SMC2: variants seen among roughly 807,000 people sequenced by gnomAD.
The protein encoded by SMC2 is structural maintenance of chromosomes 2, also known as structural maintenance of chromosomes protein 2.
In SMC2, 41 loss-of-function variants were observed where a neutral mutation model predicts 142.6. The observed-to-expected ratio is 0.29, with a 90% CI of 0.22 to 0.37. The LOEUF is 0.37. SMC2 is among the 10% of genes least tolerant of loss of function. SMC2 has a pLI of 1.00. For synonymous variants in SMC2, 463 were observed against 457.5 expected (o/e 1.01, Z -0.15); for missense variants, 1,265 against 1,373.7 (o/e 0.92, Z 1.25).
At chr9:104,103,960 G>A (rs1831463896) in intron 9 of SMC2, among the ~76,000 whole-genome samples, 1 of 151,874 alleles carries the variant, frequency 6.6e-6, no homozygotes, top group Non-Finnish European at 1.5e-5. Flanking sequence ...TAAACATGTG[G>A]ACCTGCCTTG....
chr9:104,123,005 T>A, intron 16 of SMC2, 103 bp from the exon 17 acceptor site: 1 of 1,198,072 alleles, frequency 8.3e-7, no homozygotes, highest in Non-Finnish European at 1.2e-6. Context: ...ATATTGTTTA[T>A]AACGTATGTG....
At chr9:104,114,648 C>CTT (rs1832879545) in intron 12 of SMC2, 43 bp from the exon 13 acceptor site, 3 of 1,540,484 alleles carry the variant, frequency 1.9e-6, no homozygotes. Context: ...ACTTTTTCTA[C>CTT]TTTATTATCT....
chr9:104,109,227 C>G (rs1403220285), intron 9 of SMC2, among the ~76,000 whole-genome samples: 1 of 152,164 alleles, frequency 6.6e-6, no homozygotes, highest in Admixed American at 6.5e-5. Flanking sequence ...CTCAACTACC[C>G]AAACCCACCT....
At chr9:104,110,746 C>T (rs965394650) in intron 9 of SMC2, among the ~76,000 whole-genome samples, 1 of 152,186 alleles carries the variant, frequency 6.6e-6, no homozygotes, top group Admixed American at 6.5e-5. Context: ...AAGTATACTG[C>T]CCCACAAGTA....
intron 10 of SMC2, among the ~76,000 whole-genome samples, chr9:104,112,645 A>C (rs1230496689): frequency 6.6e-6 from 1 of 152,174 alleles, no homozygotes; most frequent in African/African-American, 2.4e-5. Flanking sequence ...CAGTTTGTCT[A>C]TTATTTTATA....
intron 9 of SMC2, among the ~76,000 whole-genome samples, chr9:104,106,726 T>C (rs1831834728): frequency 6.6e-6 from 1 of 152,202 alleles, no homozygotes; most frequent in Non-Finnish European, 1.5e-5. Flanking sequence ...TTCGAGTCAC[T>C]AAGTTGCCCT....
chr9:104,113,151 A>G (rs1832682983), intron 10 of SMC2, among the ~76,000 whole-genome samples, 165 bp from the exon 11 acceptor site: 3 of 152,080 alleles, frequency 2.0e-5, no homozygotes, highest in Admixed American at 6.6e-5. Flanking sequence ...TGAGGAGAAA[A>G]TACTGGGAAA....
chr9:104,137,528 TATA>T (rs1835678147), intron 23 of SMC2, among the ~76,000 whole-genome samples: 1 of 152,062 alleles, frequency 6.6e-6, no homozygotes. Context: ...TACCAAAAAA[TATA>T]TAGATTGTGT....
rs368963452 is a variant in SMC2 at position 104,098,481 on chromosome 9, T to C, written c.354T>C (p.Asn118=). 2 of 1,595,362 alleles carry C rather than the reference T, an allele frequency of 1.3e-6. No individual in the cohort carries two copies. The highest frequency in any genetic ancestry group is 2.7e-5 in the African/African-American group (2 of 73,850). Residue 118 remains asparagine (N), a synonymous_variant, in exon 4 of 25, where the codon AAT becomes AAC. Transcript: ENST00000374793. ...GTGGTAGAAATAAATATTTAATCAA[T>C]GGAGTCAATGCCAACAACACCAGAG... is the stretch of plus-strand genomic sequence containing the variant. The part of the protein sequence containing the change: ...VIGGRNKYLI[N]GVNANNTRVQ...
intron 20 of SMC2, among the ~76,000 whole-genome samples, chr9:104,128,080 C>G (rs1377880740): frequency 6.6e-6 from 1 of 152,184 alleles, no homozygotes; most frequent in Non-Finnish European, 1.5e-5. Flanking sequence ...GGTTAAGAAG[C>G]TGCATTCACA....
chr9:104,094,070 G>A (rs573549926), upstream of SMC2, among the ~76,000 whole-genome samples: 1 of 152,172 alleles, frequency 6.6e-6, no homozygotes, highest in Admixed American at 6.5e-5. Flanking sequence ...GGGCCGAGGT[G>A]TGGGGCTGAC....
chr9:104,129,526 T>TCAA, intron 20 of SMC2, 119 bp from the exon 21 acceptor site: 1 of 811,994 alleles, frequency 1.2e-6, no homozygotes, highest in African/African-American at 1.8e-5. Context: ...AAATTAGTCA[T>TCAA]TGAAGGTTTT....
chr9:104,103,621 C>T (rs1437063661), intron 9 of SMC2, among the ~76,000 whole-genome samples: 1 of 152,130 alleles, frequency 6.6e-6, no homozygotes, highest in African/African-American at 2.4e-5. Context: ...ACAGAAGAGT[C>T]AAGTATATAG....
At chr9:104,137,201 G>A (rs974143661) in intron 23 of SMC2, among the ~76,000 whole-genome samples, 1 of 152,102 alleles carries the variant, frequency 6.6e-6, no homozygotes, top group Admixed American at 6.6e-5. Context: ...CTGTATGCCA[G>A]GATGTACTTG....
chr9:104,123,049 G>A (rs1833902284), intron 16 of SMC2, 59 bp from the exon 17 acceptor site: 7 of 1,542,676 alleles, frequency 4.5e-6, no homozygotes, highest in Admixed American at 1.9e-5. Flanking sequence ...AAGTTTGAAT[G>A]TATTTCTCAA....
chr9:104,102,344 T>G, intron 8 of SMC2, 80 bp from the exon 9 acceptor site: 1 of 1,337,048 alleles, frequency 7.5e-7, no homozygotes, highest in Non-Finnish European at 1.0e-6. Context: ...AAAAAAGTGT[T>G]TGATACAGAA....
At chr9:104,103,113 G>A (rs1831348623) in intron 9 of SMC2, among the ~76,000 whole-genome samples, 1 of 152,010 alleles carries the variant, frequency 6.6e-6, no homozygotes, top group Non-Finnish European at 1.5e-5. Context: ...AATGATCAAG[G>A]CTGTAAGTTC....
intron 7 of SMC2, 118 bp downstream of exon 7, chr9:104,100,551 AG>A (rs1830997526): frequency 1.5e-6 from 1 of 653,518 alleles, no homozygotes; most frequent in African/African-American, 1.9e-5. Flanking sequence ...CGATGAGATA[AG>A]GAATTAGAGT....
In SMC2 at chr9:104,139,852, A is replaced by G. The variant is rs1198241191; in HGVS notation, c.*537A>G. The G allele has an allele frequency of 6.6e-6, 1 of 152,244 alleles. No individual in the cohort carries two copies. Among genetic ancestry groups the G allele is most frequent in the Non-Finnish European group, 1.5e-5 (1 of 68,096 alleles). 9.4% of individuals were successfully genotyped at this position (152,244 alleles called of 1,614,324 possible). On this transcript the variant is annotated 3_prime_UTR_variant, in exon 25 of 25. Coordinates refer to ENST00000374793, the MANE Select transcript of SMC2 (RefSeq NM_006444.3). ...CCAGACCCCTGATTTAGACTGAGAT[A>G]GGAAACAGATCTTGAAAGAATCCTT...
Sources: gnomAD v4.1 joint callset for allele counts (sites outside exome capture counted in the v4.1 genomes callset) on GRCh38, gnomAD v4.1.1 for gene constraint, MANE v1.5 for transcripts, NCBI Gene and HGNC (gene_info 2026-07-23, HGNC 2026-07-21) for gene names.